The following KY variants were observed in gnomAD, a reference collection of about 807,000 sequenced individuals.
KY encodes the protein kyphoscoliosis peptidase.
KY carries 43 observed loss-of-function variants against 76.1 expected under a neutral mutation model. That is an observed-to-expected ratio of 0.57 (90% CI 0.44 to 0.73). The LOEUF is 0.73. Ranked by LOEUF, KY falls within the 30% of genes least tolerant of loss-of-function variation. The pLI is 0.00. For synonymous variants in KY, 277 were observed against 326.2 expected (o/e 0.85, Z 1.63); for missense variants, 722 against 828.9 (o/e 0.87, Z 1.58).
At chr3:134,643,198 G>A in intron 3 of KY, 118 bp downstream of exon 3, 4 of 880,510 alleles carry the variant, frequency 4.5e-6, no homozygotes, top group Non-Finnish European at 7.2e-6. Flanking sequence ...ACCCATGGGA[G>A]CAGAGAGGAC....
At chr3:134,619,880 G>C (rs1456741935) in intron 7 of KY, 1 of 152,822 alleles carries the variant, frequency 6.5e-6, no homozygotes, top group Non-Finnish European at 1.5e-5. Context: ...TTAAGGCACA[G>C]GCACAGCTGG....
intron 8 of KY, among the ~76,000 whole-genome samples, chr3:134,611,321 C>G (rs1247314071): frequency 6.6e-6 from 1 of 152,206 alleles, no homozygotes; most frequent in African/African-American, 2.4e-5. Context: ...AGCTAAAACC[C>G]TGAGGCCCAG....
chr3:134,622,702 A>G (rs1271278173), intron 6 of KY, among the ~76,000 whole-genome samples: 2 of 152,230 alleles, frequency 1.3e-5, no homozygotes, highest in Admixed American at 6.5e-5. Context: ...ATGATAAAAA[A>G]AGAACAAATT....
intron 8 of KY, among the ~76,000 whole-genome samples, chr3:134,614,769 T>C (rs978253286): frequency 6.6e-6 from 1 of 152,200 alleles, no homozygotes; most frequent in Non-Finnish European, 1.5e-5. Flanking sequence ...CCATAGGAAC[T>C]GTATGATGCT....
chr3:134,637,984 G>A (rs1965213292), intron 3 of KY, among the ~76,000 whole-genome samples: 1 of 152,208 alleles, frequency 6.6e-6, no homozygotes, highest in Non-Finnish European at 1.5e-5. Context: ...CTCTTGGACA[G>A]GGGTCAATGT....
intron 10 of KY, chr3:134,608,278 T>C: frequency 8.3e-7 from 1 of 1,208,034 alleles, no homozygotes. Flanking sequence ...TTCCCTGCTA[T>C]GTGAACTGAG....
rs76321447 is a variant in KY, at chr3:134,633,171, A to G, written c.263-3476T>C. On this transcript the variant is annotated intron_variant, in intron 3 of 10. Transcript: ENST00000423778. ...CAGATAGCTTCAGTGGTAAATTCTA[A>G]CAAACATTTAAAGTAAATAACATCA... Among the ~76,000 whole-genome samples the G allele has an allele frequency of 3.8e-3, 571 of 152,222 alleles. 1 individual carries two copies. Among genetic ancestry groups the G allele is most frequent in the Non-Finnish European group, 6.8e-3 (462 of 67,910 alleles).
At position 134,604,141 on chromosome 3, in the gene KY, G is replaced by A; in HGVS notation, c.1424C>T (p.Thr475Ile). The change falls in exon 11 of 11, where the codon ACC becomes ATC. Residue 475 changes from threonine to isoleucine, a missense_variant. By Grantham distance (89) the Thr-to-Ile change is moderately conservative. Transcript: ENST00000423778. ...GCTGATGGAGCAGCGCCCGTCGCTGGTGTGGATGATAGGGTCAGGGTGGGA... is the reference window on the plus strand; with the variant it reads ...GCTGATGGAGCAGCGCCCGTCGCTGATGTGGATGATAGGGTCAGGGTGGGA... ...KPSHPDPIIH[T>I]SDGRCSISFS... 1 of 1,608,394 alleles carries A rather than the reference G, an allele frequency of 6.2e-7. No individual in the cohort carries two copies. The highest frequency in any genetic ancestry group is 8.5e-7 in the Non-Finnish European group (1 of 1,176,960).
intron 8 of KY, among the ~76,000 whole-genome samples, chr3:134,618,405 C>T (rs1018367760): frequency 2.6e-5 from 4 of 152,186 alleles, no homozygotes; most frequent in East Asian, 1.9e-4. Flanking sequence ...GACAGTGGGC[C>T]GCTGTTCATC....
At chr3:134,639,607 A>C (rs907578861) in intron 3 of KY, among the ~76,000 whole-genome samples, 8 of 152,184 alleles carry the variant, frequency 5.3e-5, no homozygotes, top group Admixed American at 4.6e-4. Context: ...ATAAGGGCTG[A>C]TGACCTTGAG....
At chr3:134,609,428 G>A (rs771364712) in intron 9 of KY, among the ~76,000 whole-genome samples, 7 of 152,314 alleles carry the variant, frequency 4.6e-5, no homozygotes, top group Admixed American at 3.3e-4. Flanking sequence ...CTGTGAGTAC[G>A]CGAGCCCTGC....
intron 9 of KY, 77 bp from the exon 10 acceptor site, chr3:134,608,916 C>A: frequency 6.7e-7 from 1 of 1,491,012 alleles, no homozygotes; most frequent in Non-Finnish European, 9.0e-7. Context: ...CCGGAGTGGT[C>A]CTATGGACAC....
chr3:134,603,839 C>T lies in KY; in HGVS notation c.1726G>A (p.Gly576Arg), dbSNP rs367987229. The T allele has an allele frequency of 2.3e-5, 37 of 1,613,884 alleles. No individual in the cohort carries two copies. The highest frequency in any genetic ancestry group is 8.9e-5 in the East Asian group (4 of 44,892). Residue 576 changes from glycine to arginine, a missense_variant, in exon 11 of 11, where the codon GGA (glycine) becomes AGA (arginine). Gly to Arg is a moderately radical substitution (Grantham distance 125, BLOSUM62 -2). Around this residue, in one of 2 missense-constraint regions of KY, gnomAD observed 552 missense variants for 680.9 expected, o/e 0.81. Coordinates refer to ENST00000423778, the MANE Select transcript of KY (RefSeq NM_178554.6). ...PMFPESFGNW[G>R]QDNELLEPLS... ...GGTTCCAGCAGCTCATTGTCCTGTC[C>T]CCAGTTGCCAAAGCTCTCAGGGAAC...
At chr3:134,641,771 C>T (rs867491750) in intron 3 of KY, among the ~76,000 whole-genome samples, 12 of 152,314 alleles carry the variant, frequency 7.9e-5, no homozygotes, top group Middle Eastern at 3.4e-3. Context: ...TGCTTTACTT[C>T]CCCCTTATAC....
At position 134,647,426 on chromosome 3, in the gene KY, A is replaced by C; in HGVS notation, c.199+9T>G. On this transcript the variant is annotated intron_variant, in intron 2 of 10. Coordinates refer to ENST00000423778, the MANE Select transcript of KY (RefSeq NM_178554.6). The stretch of plus-strand genomic sequence containing the variant: ...AATCCTATAGGTTGAAAGGAAAAAG[A>C]GAATTTACCGTGAAAGTCATTTCCT... 1 of 1,600,372 alleles carries C rather than the reference A, an allele frequency of 6.2e-7. No homozygotes were observed. Among genetic ancestry groups the C allele is most frequent in the South Asian group, 1.1e-5 (1 of 89,796 alleles).
chr3:134,648,670 C>T (rs555313008), intron 1 of KY, among the ~76,000 whole-genome samples: 2 of 152,166 alleles, frequency 1.3e-5, no homozygotes, highest in Admixed American at 1.3e-4. Flanking sequence ...AGTGACCTAG[C>T]CTGTCCACAC....
At chr3:134,644,984 C>T in intron 2 of KY, among the ~76,000 whole-genome samples, 1 of 152,252 alleles carries the variant, frequency 6.6e-6, no homozygotes, top group East Asian at 1.9e-4. Flanking sequence ...CTTCTGCAGG[C>T]ACAGCTGGCA....
intron 3 of KY, among the ~76,000 whole-genome samples, chr3:134,642,031 C>A (rs1189326573): frequency 6.6e-6 from 1 of 152,160 alleles, no homozygotes; most frequent in Non-Finnish European, 1.5e-5. Context: ...GGGCTGGTGG[C>A]AGGTCCTGCT....
chr3:134,648,792 A>G (rs191805610), intron 1 of KY, among the ~76,000 whole-genome samples: 2 of 152,200 alleles, frequency 1.3e-5, no homozygotes, highest in African/African-American at 4.8e-5. Context: ...CATCCTCTGC[A>G]TTGCAACAAT....
Sources: allele counts gnomAD v4.1 joint callset (sites outside exome capture counted in the v4.1 genomes callset), GRCh38; gene constraint gnomAD v4.1.1; regional missense constraint gnomAD v4.1.1; transcripts MANE v1.5; gene names NCBI Gene and HGNC (gene_info 2026-07-23, HGNC 2026-07-21).